IFT88: variants seen among roughly 807,000 people sequenced by gnomAD.
IFT88 encodes the protein intraflagellar transport protein 88 homolog.
In IFT88, 74 loss-of-function variants were observed where a neutral mutation model predicts 119.5. That is an observed-to-expected ratio of 0.62 (90% CI 0.51 to 0.75). IFT88 has a LOEUF of 0.75. Ranked by LOEUF, IFT88 falls within the 30% of genes least tolerant of loss-of-function variation. The probability of loss-of-function intolerance (pLI) is 0.00; values close to 1 mark genes in which losing one functional copy is unlikely to be tolerated. For synonymous variants in IFT88, 279 were observed against 316.7 expected, an observed-to-expected ratio of 0.88 and a Z score of 1.26; for missense variants, 961 against 977.7, an observed-to-expected ratio of 0.98 and a Z score of 0.23.
At chr13:20,628,853 A>G (rs2047744871) in intron 15 of IFT88, among the ~76,000 whole-genome samples, 2 of 152,196 alleles carry the variant, frequency 1.3e-5, no homozygotes, top group African/African-American at 4.8e-5. Flanking sequence ...GGGAGAAAAT[A>G]GATTTGATGT....
chr13:20,635,444 T>C (rs1050740961), intron 16 of IFT88, among the ~76,000 whole-genome samples: 5 of 152,194 alleles, frequency 3.3e-5, no homozygotes, highest in African/African-American at 1.2e-4. Flanking sequence ...TTAATGATTC[T>C]GAAACCTAGC....
chr13:20,605,570 C>A (rs1042873935), intron 13 of IFT88, among the ~76,000 whole-genome samples: 2 of 152,158 alleles, frequency 1.3e-5, no homozygotes, highest in Non-Finnish European at 2.9e-5. Context: ...TTTCTACTTA[C>A]AACACTTCTG....
At chr13:20,687,790 C>T (rs1245971150) in intron 24 of IFT88, among the ~76,000 whole-genome samples, 1 of 152,050 alleles carries the variant, frequency 6.6e-6, no homozygotes, top group Non-Finnish European at 1.5e-5. Flanking sequence ...CAAAAATGCA[C>T]GGCTGAGTTG....
intron 1 of IFT88, among the ~76,000 whole-genome samples, chr13:20,571,385 T>G (rs114558745): frequency 6.6e-6 from 1 of 152,352 alleles, no homozygotes; most frequent in African/African-American, 2.4e-5. Flanking sequence ...ATACATTTCT[T>G]GAATACTAGC....
Position 20,601,778 on chromosome 13 carries a change from G to A in IFT88, c.886G>A (p.Glu296Lys), listed in dbSNP as rs1594059915. Residue 296 changes from glutamate (E) to lysine (K), a missense_variant, in exon 12 of 26, where the codon GAG becomes AAG. Physicochemically the swap from Glu to Lys is moderately conservative, Grantham distance 56. Coordinates refer to ENST00000351808, the MANE Select transcript of IFT88 (RefSeq NM_006531.5). ...GQYSDAINSY[E>K]HIMSMAPNLK... ...GTATTCAGATGCTATTAATTCATATGAGCACATAATGAGCATGGCACCAAA... is the reference window on the plus strand; with the variant it reads ...GTATTCAGATGCTATTAATTCATATAAGCACATAATGAGCATGGCACCAAA... 1 of 1,613,248 alleles carries A rather than the reference G, an allele frequency of 6.2e-7. No individual in the cohort carries two copies. The highest frequency in any genetic ancestry group is 1.1e-5 in the South Asian group (1 of 91,062).
chr13:20,653,410 G>C (rs1375683878), intron 20 of IFT88, among the ~76,000 whole-genome samples: 1 of 152,108 alleles, frequency 6.6e-6, no homozygotes, highest in Non-Finnish European at 1.5e-5. Context: ...TTTTAGAAAA[G>C]AATTTGATTT....
intron 15 of IFT88, among the ~76,000 whole-genome samples, chr13:20,628,302 G>T (rs957381328): frequency 4.6e-5 from 7 of 151,918 alleles, no homozygotes; most frequent in Admixed American, 3.9e-4. Context: ...AATAGACTCT[G>T]CCAAAAAGCC....
intron 2 of IFT88, among the ~76,000 whole-genome samples, chr13:20,582,695 G>C (rs1015183647): frequency 9.2e-5 from 14 of 152,124 alleles, no homozygotes; most frequent in African/African-American, 3.1e-4. Flanking sequence ...ACCCGGCACT[G>C]TGATACCACT....
In IFT88 at chr13:20,601,894, T is replaced by G. The variant is rs1467465376; in HGVS notation, c.1002T>G (p.Val334=). The G allele has an allele frequency of 6.2e-7, 1 of 1,606,308 alleles. No individual in the cohort carries two copies. The highest frequency in any genetic ancestry group is 8.5e-7 in the Non-Finnish European group (1 of 1,173,086). ...MKKAFQKLIT[V]PLEIDEDKYI... ...AGGCATTCCAAAAATTGATTACTGT[T>G]CCATTAGAAATTGATGAAGATAAAT... The change falls in exon 12 of 26, where the codon GTT becomes GTG. Residue 334 remains valine (V), a synonymous_variant. Transcript: ENST00000351808.
In IFT88 at chr13:20,625,858, TA is replaced by T. The variant is rs1566248785; in HGVS notation, c.1299+17del. The T allele has an allele frequency of 3.3e-6, 5 of 1,506,216 alleles. No homozygotes were observed. Among genetic ancestry groups the T allele is most frequent in the South Asian group, 1.2e-5 (1 of 81,626 alleles). 93.3% of individuals were successfully genotyped at this position (1,506,216 alleles called of 1,614,324 possible). ...AAAAAGACTATAACCAAGTAAGTTT[TA>T]AAAAAAATTTTAGATGGAATTCCAT... On this transcript the variant is annotated intron_variant, in intron 15 of 25. Transcript: ENST00000351808.
chr13:20,596,464 G>GA (rs895570541), intron 8 of IFT88, among the ~76,000 whole-genome samples: 1 of 152,024 alleles, frequency 6.6e-6, no homozygotes, highest in African/African-American at 2.4e-5. Context: ...TTTCAGTAGG[G>GA]AAAAAAATTC....
chr13:20,575,991 A>G (rs1392274955), intron 2 of IFT88, among the ~76,000 whole-genome samples: 2 of 152,224 alleles, frequency 1.3e-5, no homozygotes, highest in African/African-American at 4.8e-5. Context: ...CACTAACAGT[A>G]TATGAGGGTT....
chr13:20,655,287 C>G (rs947878701), intron 21 of IFT88, among the ~76,000 whole-genome samples: 1 of 151,808 alleles, frequency 6.6e-6, no homozygotes, highest in Admixed American at 6.6e-5. Flanking sequence ...CAAAAATTAG[C>G]TGGGCTTGGT....
Position 20,632,902 on chromosome 13 carries a change from T to C in IFT88, c.1386+1800T>C, listed in dbSNP as rs539213989. On this transcript the variant is annotated intron_variant, in intron 16 of 25. Coordinates refer to ENST00000351808, the MANE Select transcript of IFT88 (RefSeq NM_006531.5). ...CTTAGAGCTTCTGATCTGTGCACCA[T>C]TGAGAAGCACTGCTGTGCTGAATTG... 2.0e-5 allele frequency among the ~76,000 whole-genome samples: 3 copies of C among 152,316 alleles called. No individual in the cohort carries two copies. The South Asian group carries it at 6.2e-4, about 32-fold the overall frequency.
At chr13:20,690,938 T>G in intron 25 of IFT88, 116 bp from the exon 26 acceptor site, 1 of 1,419,270 alleles carries the variant, frequency 7.0e-7, no homozygotes, top group Non-Finnish European at 9.8e-7. Flanking sequence ...TTAAAATGAC[T>G]TGGGAGACCA....
chr13:20,679,648 AC>A (rs2057095190), intron 24 of IFT88, among the ~76,000 whole-genome samples: 2 of 152,196 alleles, frequency 1.3e-5, no homozygotes, highest in African/African-American at 4.8e-5. Flanking sequence ...GTTTTAAATC[AC>A]CCACTACAAA....
intron 14 of IFT88, among the ~76,000 whole-genome samples, chr13:20,617,012 C>T (rs1031988820): frequency 6.6e-6 from 1 of 151,974 alleles, no homozygotes; most frequent in African/African-American, 2.4e-5. Flanking sequence ...GGCGCAATCT[C>T]GGCTCACTGC....
At chr13:20,630,497 G>A (rs942064679) in intron 15 of IFT88, among the ~76,000 whole-genome samples, 2 of 152,084 alleles carry the variant, frequency 1.3e-5, no homozygotes, top group Non-Finnish European at 2.9e-5. Flanking sequence ...AGGCCTCACT[G>A]CCCACCCCAT....
At chr13:20,607,385 C>A in intron 13 of IFT88, 1 of 605,094 alleles carries the variant, frequency 1.7e-6, no homozygotes, top group South Asian at 1.5e-5. Context: ...GGCCACCATG[C>A]CCATTTGGGT....
Sources: gnomAD v4.1 joint callset for allele counts (sites outside exome capture counted in the v4.1 genomes callset) on GRCh38, gnomAD v4.1.1 for gene constraint, MANE v1.5 for transcripts, NCBI Gene and HGNC (gene_info 2026-07-23, HGNC 2026-07-21) for gene names.